The following MYRIP variants were observed in gnomAD, a reference collection of about 807,000 sequenced individuals.
MYRIP encodes myosin VIIA and Rab interacting protein, also known as rab effector MyRIP.
MYRIP carries 49 observed loss-of-function variants against 98.0 expected under a neutral mutation model. That is an observed-to-expected ratio of 0.50 (90% CI 0.40 to 0.63). The LOEUF (loss-of-function observed/expected upper bound fraction) is 0.63. Ranked by LOEUF, MYRIP falls within the 30% of genes least tolerant of loss-of-function variation. The pLI is 0.00. For missense variants in MYRIP, 1,004 were observed against 1,058.2 expected, an observed-to-expected ratio of 0.95 and a Z score of 0.71; for synonymous variants, 404 against 409.5, an observed-to-expected ratio of 0.99 and a Z score of 0.16.
At chr3:39,933,048 T>A (rs1398046808) in intron 2 of MYRIP, among the ~76,000 whole-genome samples, 1 of 152,246 alleles carries the variant, frequency 6.6e-6, no homozygotes, top group Non-Finnish European at 1.5e-5. Context: ...ACAATCTAGA[T>A]GAATTTAGAT....
intron 1 of MYRIP, among the ~76,000 whole-genome samples, chr3:39,841,277 G>A (rs112921620): frequency 3.9e-5 from 6 of 152,010 alleles, no homozygotes; most frequent in South Asian, 2.1e-4. Context: ...CGAAGTTCTC[G>A]TGCTGTGTTT....
At chr3:40,080,784 C>A (rs999875607) in intron 3 of MYRIP, among the ~76,000 whole-genome samples, 1 of 132,754 alleles carries the variant, frequency 7.5e-6, no homozygotes, top group African/African-American at 2.7e-5. Context: ...GTTTTCTATC[C>A]TAACTTCTTT....
chr3:40,220,008 C>T (rs1952284541), intron 11 of MYRIP, among the ~76,000 whole-genome samples: 1 of 148,522 alleles, frequency 6.7e-6, no homozygotes, highest in African/African-American at 2.5e-5. Flanking sequence ...TGTTTCCTGA[C>T]TTTTTAATGA....
Position 39,913,445 on chromosome 3 carries a change from T to C in MYRIP, c.110+12519T>C, listed in dbSNP as rs542977567. Among the ~76,000 whole-genome samples, 21 of 152,306 alleles carry C rather than the reference T, an allele frequency of 1.4e-4. 1 individual carries two copies. In the Middle Eastern group the frequency reaches 0.017, roughly 123 times the overall value. On this transcript the variant is annotated intron_variant, in intron 2 of 16. Coordinates refer to ENST00000302541, the MANE Select transcript of MYRIP (RefSeq NM_015460.4). ...CATCCACCTAAACAGTATATTGGCC[T>C]TCCCTGACCCCCAAAACTATAAAAC...
At chr3:40,173,234 C>T (rs1301366593) in intron 8 of MYRIP, 1 of 152,192 alleles carries the variant, frequency 6.6e-6, no homozygotes, top group Non-Finnish European at 1.5e-5. Flanking sequence ...CCCCATTTTA[C>T]AAAGGAATAA....
chr3:40,097,567 G>A (rs183667597), intron 3 of MYRIP, among the ~76,000 whole-genome samples: 3 of 152,094 alleles, frequency 2.0e-5, no homozygotes, highest in Admixed American at 1.3e-4. Flanking sequence ...ATTCAGAGCC[G>A]TGAAGTCCAC....
At chr3:40,252,639 C>G (rs1160379355) in intron 16 of MYRIP, among the ~76,000 whole-genome samples, 2 of 152,162 alleles carry the variant, frequency 1.3e-5, no homozygotes, top group Admixed American at 6.5e-5. Flanking sequence ...TCCCCCGAAA[C>G]CAGATGAACT....
intron 1 of MYRIP, among the ~76,000 whole-genome samples, chr3:39,850,151 T>C (rs1383110553): frequency 6.6e-6 from 1 of 152,172 alleles, no homozygotes; most frequent in African/African-American, 2.4e-5. Context: ...GAAGCTCTAT[T>C]TGTAACCGCA....
intron 2 of MYRIP, among the ~76,000 whole-genome samples, chr3:39,946,928 G>A (rs1944916686): frequency 2.0e-5 from 3 of 152,166 alleles, no homozygotes. Context: ...GAAGGTTGGA[G>A]TGGTGCTATT....
chr3:40,203,269 A>C (rs553234579), intron 10 of MYRIP, among the ~76,000 whole-genome samples: 1 of 152,122 alleles, frequency 6.6e-6, no homozygotes, highest in Non-Finnish European at 1.5e-5. Flanking sequence ...CTTAAGCTGA[A>C]GAATTCAATA....
chr3:40,049,507 T>C (rs1408513702), intron 3 of MYRIP, among the ~76,000 whole-genome samples: 1 of 152,072 alleles, frequency 6.6e-6, no homozygotes, highest in Non-Finnish European at 1.5e-5. Flanking sequence ...ATTGTGTGTG[T>C]TCTGACTGCT....
chr3:40,258,177 T>A lies in MYRIP; in HGVS notation c.*11T>A, dbSNP rs1953659931. The A allele has an allele frequency of 2.5e-6, 4 of 1,614,072 alleles. No homozygotes were observed. Among genetic ancestry groups the A allele is most frequent in the Non-Finnish European group, 3.4e-6 (4 of 1,180,020 alleles). The stretch of plus-strand genomic sequence containing the variant: ...GCTGTGATGTACTGACACCATGGAA[T>A]TCCACTGCCAGTGACCCACTGCCTC... On this transcript the variant is annotated 3_prime_UTR_variant, in exon 17 of 17. Coordinates refer to ENST00000302541, the MANE Select transcript of MYRIP (RefSeq NM_015460.4).
intron 2 of MYRIP, among the ~76,000 whole-genome samples, chr3:39,941,529 AC>A (rs1944785741): frequency 6.6e-6 from 1 of 151,532 alleles, no homozygotes; most frequent in Non-Finnish European, 1.5e-5. Context: ...ACACACACAC[AC>A]TTTTTTTTAC....
chr3:39,971,440 T>C (rs115182457), intron 2 of MYRIP, among the ~76,000 whole-genome samples: 226 of 152,186 alleles, frequency 1.5e-3, no homozygotes, highest in African/African-American at 5.1e-3. Context: ...AGATAGTGTA[T>C]ATATTGATAG....
chr3:40,003,129 ATATC>A lies in MYRIP; in HGVS notation c.111-40917_111-40914del, dbSNP rs200780770. 3.6e-3 allele frequency among the ~76,000 whole-genome samples: 543 copies of A among 151,930 alleles called. 14 individuals are homozygous for A. Among genetic ancestry groups the A allele is most frequent in the Admixed American group, 0.029 (440 of 15,236 alleles). On this transcript the variant is annotated intron_variant, in intron 2 of 16. Transcript: ENST00000302541. The stretch of plus-strand genomic sequence containing the variant: ...TGTATTTATGTCTATTTATATCTGT[ATATC>A]TATATATATCTAGACATCTATAGAT...
intron 4 of MYRIP, among the ~76,000 whole-genome samples, chr3:40,156,860 G>A (rs1178562530): frequency 6.6e-6 from 1 of 151,834 alleles, no homozygotes; most frequent in Non-Finnish European, 1.5e-5. Context: ...TGAAGACTTT[G>A]CTGAAGTTGC....
chr3:39,843,265 T>G (rs1559493697), intron 1 of MYRIP, among the ~76,000 whole-genome samples: 2 of 152,238 alleles, frequency 1.3e-5, no homozygotes. Flanking sequence ...CTGAGCATAA[T>G]AATTTATTTT....
At chr3:40,175,870 C>T (rs1950741574) in intron 8 of MYRIP, among the ~76,000 whole-genome samples, 1 of 152,230 alleles carries the variant, frequency 6.6e-6, no homozygotes, top group African/African-American at 2.4e-5. Context: ...TGGCCAAAGC[C>T]ACTGTATGGC....
chr3:40,082,253 C>T (rs940279334), intron 3 of MYRIP, among the ~76,000 whole-genome samples: 12 of 152,148 alleles, frequency 7.9e-5, no homozygotes, highest in African/African-American at 2.9e-4. Flanking sequence ...GGATCTATGT[C>T]CAAGGAATTT....
Sources: allele counts gnomAD v4.1 joint callset (sites outside exome capture counted in the v4.1 genomes callset), GRCh38; gene constraint gnomAD v4.1.1; transcripts MANE v1.5; gene names NCBI Gene and HGNC (gene_info 2026-07-23, HGNC 2026-07-21).